SLC25A26: variants seen among roughly 807,000 people sequenced by gnomAD.
SLC25A26 encodes the protein mitochondrial S-adenosylmethionine carrier protein.
SLC25A26 carries 36 observed loss-of-function variants against 37.8 expected under a neutral mutation model. The ratio of observed to expected loss-of-function variants is 0.95; its 90% CI spans 0.73 to 1.26. The LOEUF is 1.26. SLC25A26 is among the 50% of genes most tolerant of loss of function. The pLI is 0.00. For missense variants in SLC25A26, 390 were observed against 331.1 expected (o/e 1.18, Z -1.38); for synonymous variants, 129 against 122.5 (o/e 1.05, Z -0.35).
chr3:66,191,200 G>T (rs2070935662), intron 1 of SLC25A26, among the ~76,000 whole-genome samples: 1 of 152,164 alleles, frequency 6.6e-6, no homozygotes, highest in African/African-American at 2.4e-5. Context: ...GAATCCACTG[G>T]CCTGGGCAAT....
At chr3:66,282,405 C>G (rs1231081236) in intron 5 of SLC25A26, among the ~76,000 whole-genome samples, 1 of 152,182 alleles carries the variant, frequency 6.6e-6, no homozygotes, top group Non-Finnish European at 1.5e-5. Flanking sequence ...CTTGGCCTCC[C>G]AAAGTGCTGA....
intron 6 of SLC25A26, among the ~76,000 whole-genome samples, chr3:66,348,998 C>T (rs938584129): frequency 6.6e-6 from 1 of 152,198 alleles, no homozygotes; most frequent in Non-Finnish European, 1.5e-5. Context: ...CAATAACCAG[C>T]ATTCACACAG....
chr3:66,296,508 TTAAA>T (rs578048289), intron 5 of SLC25A26, among the ~76,000 whole-genome samples: 3 of 152,218 alleles, frequency 2.0e-5, no homozygotes, highest in Non-Finnish European at 4.4e-5. Flanking sequence ...TATTGCTTAT[TTAAA>T]TAATCAGTTT....
At chr3:66,349,867 G>A (rs987822554) in intron 6 of SLC25A26, among the ~76,000 whole-genome samples, 29 of 152,206 alleles carry the variant, frequency 1.9e-4, no homozygotes, top group African/African-American at 6.7e-4. Context: ...GTCATTTCTT[G>A]TTACTATTAG....
At chr3:66,151,639 T>G (rs550513761) in intron 1 of SLC25A26, among the ~76,000 whole-genome samples, 2 of 152,314 alleles carry the variant, frequency 1.3e-5, no homozygotes, top group Admixed American at 1.3e-4. Flanking sequence ...CCTTTCTCCA[T>G]GGAGGGACTT....
chr3:66,222,759 G>A (rs1015433773), intron 1 of SLC25A26, among the ~76,000 whole-genome samples: 4 of 152,166 alleles, frequency 2.6e-5, no homozygotes, highest in South Asian at 2.1e-4. Context: ...CCTGGGAGTC[G>A]TGCCCTTATC....
Position 66,378,691 on chromosome 3 carries a change from A to G in SLC25A26, c.*884A>G, listed in dbSNP as rs1467119821. On this transcript the variant is annotated 3_prime_UTR_variant, in exon 10 of 10. Transcript: ENST00000354883. ...AGCAGTGTTGTCTGCCCTGGAGCAA[A>G]CAAACAGTATGTGATTTTGCTTCGC... is the stretch of plus-strand genomic sequence containing the variant. The G allele has an allele frequency of 1.3e-5, 2 of 152,644 alleles. No homozygotes were observed. Among genetic ancestry groups the G allele is most frequent in the African/African-American group, 2.4e-5 (1 of 41,580 alleles). The allele number at this position is 152,644 out of a possible 1,614,324, so 9.5% of individuals were successfully genotyped here. A position where few individuals can be genotyped will look rare whatever the true frequency, so the allele number is the denominator to read the frequency against.
chr3:66,279,975 A>G (rs990078061), intron 5 of SLC25A26, among the ~76,000 whole-genome samples: 4 of 152,180 alleles, frequency 2.6e-5, no homozygotes, highest in African/African-American at 4.8e-5. Flanking sequence ...GAGGATACCA[A>G]TAGTATCTGT....
At chr3:66,338,247 A>G (rs1049284060) in intron 5 of SLC25A26, among the ~76,000 whole-genome samples, 13 of 151,978 alleles carry the variant, frequency 8.6e-5, no homozygotes, top group African/African-American at 2.4e-4. Flanking sequence ...CCCTTCTCTT[A>G]TTGATGGACG....
upstream of SLC25A26, among the ~76,000 whole-genome samples, chr3:66,220,432 G>T (rs909672670): frequency 6.6e-6 from 1 of 152,100 alleles, no homozygotes; most frequent in African/African-American, 2.4e-5. Context: ...GTACAACAGC[G>T]AACAACATGA....
intron 6 of SLC25A26, among the ~76,000 whole-genome samples, chr3:66,358,485 G>A (rs1575606328): frequency 2.0e-5 from 3 of 152,286 alleles, no homozygotes; most frequent in East Asian, 1.9e-4. Context: ...TGTGATTTGC[G>A]TGTGGAAGTA....
Position 66,229,397 on chromosome 3 carries a change from C to T in SLC25A26, c.34-7147C>T, listed in dbSNP as rs146720200. Among the ~76,000 whole-genome samples the T allele has an allele frequency of 7.9e-3, 1,206 of 152,284 alleles. 20 individuals are homozygous for T. The highest frequency in any genetic ancestry group is 0.028 in the African/African-American group (1,156 of 41,554). ...CATCTTGAATTGTAATCCCCATAATCCCCATGTGTCAAGGACGAACCAAAG... is the reference window on the plus strand; with the variant it reads ...CATCTTGAATTGTAATCCCCATAATTCCCATGTGTCAAGGACGAACCAAAG... On this transcript the variant is annotated intron_variant, in intron 1 of 9. Coordinates refer to ENST00000354883, the MANE Select transcript of SLC25A26 (RefSeq NM_001379210.1).
intron 1 of SLC25A26, among the ~76,000 whole-genome samples, chr3:66,142,745 T>C (rs1341111338): frequency 2.6e-5 from 4 of 152,166 alleles, no homozygotes; most frequent in East Asian, 1.9e-4. Context: ...AAAATTTGTA[T>C]GCTATTCTCT....
At chr3:66,349,560 G>C (rs757478641) in intron 6 of SLC25A26, among the ~76,000 whole-genome samples, 1 of 151,836 alleles carries the variant, frequency 6.6e-6, no homozygotes, top group Non-Finnish European at 1.5e-5. Flanking sequence ...TTACTTTGTA[G>C]TATTCCATAT....
At chr3:66,288,947 T>C (rs1015436946) in intron 5 of SLC25A26, among the ~76,000 whole-genome samples, 4 of 152,170 alleles carry the variant, frequency 2.6e-5, no homozygotes, top group Non-Finnish European at 5.9e-5. Context: ...CCACCAACAG[T>C]GTAAAAGCAT....
rs976858613 is a variant in SLC25A26, at chr3:66,203,031, G to A, written c.-353-17711G>A. Among the ~76,000 whole-genome samples the A allele has an allele frequency of 7.0e-3, 1,067 of 152,148 alleles. 17 individuals carry two copies. Among genetic ancestry groups the A allele is most frequent in the African/African-American group, 0.024 (996 of 41,514 alleles). ...ATAATATTTTATATTAATATAATTC[G>A]TAAAGATTTAATATATTAACTTAAT... On this transcript the variant is annotated intron_variant, in intron 1 of 10. Transcript: ENST00000676754.
At chr3:66,199,964 A>G (rs1422220781) in intron 1 of SLC25A26, among the ~76,000 whole-genome samples, 1 of 152,154 alleles carries the variant, frequency 6.6e-6, no homozygotes, top group Admixed American at 6.5e-5. Context: ...CACACATTCT[A>G]GTTTCATCTA....
intron 1 of SLC25A26, among the ~76,000 whole-genome samples, chr3:66,166,153 T>C (rs767604685): frequency 1.3e-5 from 2 of 152,242 alleles, no homozygotes; most frequent in African/African-American, 2.4e-5. Flanking sequence ...AGGTCAGTCC[T>C]ATCTATCAGA....
chr3:66,147,110 TC>T (rs2070129196), intron 1 of SLC25A26, among the ~76,000 whole-genome samples: 1 of 41,420 alleles, frequency 2.4e-5, no homozygotes. Context: ...TCCCCTCCCC[TC>T]CCCTCCCCTC....
Sources: gnomAD v4.1 joint callset for allele counts (sites outside exome capture counted in the v4.1 genomes callset) on GRCh38, gnomAD v4.1.1 for gene constraint, MANE v1.5 for transcripts, NCBI Gene and HGNC (gene_info 2026-07-23, HGNC 2026-07-21) for gene names.